The following TEX11 variants were observed in gnomAD, a reference collection of about 807,000 sequenced individuals.
The protein encoded by TEX11 is testis expressed 11.
Under a neutral mutation model 84.4 loss-of-function variants are expected in TEX11, and 7 were observed. That is an observed-to-expected ratio of 0.08 (90% confidence interval 0.05 to 0.16). The LOEUF (loss-of-function observed/expected upper bound fraction) is 0.16. Among genes scored for constraint, TEX11 ranks in the 10% least tolerant of loss-of-function variants. The pLI, the probability that TEX11 is intolerant of heterozygous loss-of-function variation, is 1.00. For missense variants in TEX11, 551 were observed against 660.5 expected, an observed-to-expected ratio of 0.83 and a Z score of 1.82; for synonymous variants, 264 against 222.8, an observed-to-expected ratio of 1.18 and a Z score of -1.64.
At chrX:70,656,692 G>C (rs185361808) in intron 16 of TEX11, among the ~76,000 whole-genome samples, 23 of 111,861 alleles carry the variant, frequency 2.1e-4, no homozygotes, top group African/African-American at 6.5e-4. Context: ...GGAAGTAATA[G>C]GGAAGCGTCT....
chrX:70,716,633 T>C (rs1201788656), intron 13 of TEX11, among the ~76,000 whole-genome samples: 2 of 112,443 alleles, frequency 1.8e-5, no homozygotes, highest in Non-Finnish European at 3.8e-5. Flanking sequence ...GCTAATACCA[T>C]TGGAAAAGCG....
At chrX:70,855,556 A>G (rs1273375674) in intron 5 of TEX11, among the ~76,000 whole-genome samples, 2 of 104,993 alleles carry the variant, frequency 1.9e-5, no homozygotes, top group East Asian at 6.2e-4. Flanking sequence ...ATAGAGTGAG[A>G]CTCTGTCTCA....
chrX:70,738,609 G>A (rs1036303204), intron 11 of TEX11, among the ~76,000 whole-genome samples: 7 of 111,711 alleles, frequency 6.3e-5, no homozygotes, highest in Non-Finnish European at 1.1e-4. Context: ...GTATATACCC[G>A]AAGGATTATA....
At position 70,558,192 on chromosome X, in the gene TEX11, A is replaced by G. The variant is rs1318706397; in HGVS notation, c.2141-3392T>C. On this transcript the variant is annotated intron_variant, in intron 25 of 29. Transcript: ENST00000374333. ...AAAAAGAAAATAGAAAGCAATGGTAATCAAGACAGCATGGTACTGACATAA... is the reference window on the plus strand; with the variant it reads ...AAAAAGAAAATAGAAAGCAATGGTAGTCAAGACAGCATGGTACTGACATAA... Among the ~76,000 whole-genome samples the G allele has an allele frequency of 2.7e-5, 3 of 109,924 alleles. No homozygotes were observed. In the Admixed American group the frequency reaches 2.9e-4, roughly 11 times the overall value.
intron 8 of TEX11, among the ~76,000 whole-genome samples, chrX:70,821,245 G>A (rs2091316845): frequency 8.9e-6 from 1 of 111,915 alleles, no homozygotes; most frequent in Non-Finnish European, 1.9e-5. Flanking sequence ...TTTCTTCAAA[G>A]AAAATATACA....
At chrX:70,811,074 G>A (rs926394321) in intron 8 of TEX11, among the ~76,000 whole-genome samples, 5 of 111,003 alleles carry the variant, frequency 4.5e-5, no homozygotes, top group Admixed American at 1.9e-4. Context: ...TGTGCACAAC[G>A]TGCATGTTTG....
chrX:70,681,439 T>C lies in TEX11; in HGVS notation c.1156+1235A>G, dbSNP rs1381391310. On this transcript the variant is annotated intron_variant, in intron 14 of 29. Coordinates refer to ENST00000374333, the MANE Select transcript of TEX11 (RefSeq NM_031276.3). ...CTTTAAATAAAAATCACTTCTGAAT[T>C]TAAAAAGTCTGAATATTTTCATGAA... 1.8e-5 allele frequency among the ~76,000 whole-genome samples: 2 copies of C among 112,323 alleles called. 1 individual carries two copies. Among genetic ancestry groups the C allele is most frequent in the Admixed American group, 1.9e-4 (2 of 10,648 alleles).
intron 9 of TEX11, among the ~76,000 whole-genome samples, chrX:70,784,097 G>A (rs1343250536): frequency 1.8e-5 from 2 of 111,715 alleles, no homozygotes; most frequent in African/African-American, 6.5e-5. Flanking sequence ...TTGGCAAACC[G>A]AATCCAGCAG....
chrX:70,839,810 G>C (rs2091430877), intron 7 of TEX11, among the ~76,000 whole-genome samples: 1 of 111,929 alleles, frequency 8.9e-6, no homozygotes, highest in South Asian at 3.8e-4. Context: ...TGATGGAGCT[G>C]AAAACCAAGG....
At chrX:70,681,412 T>C (rs917987684) in intron 14 of TEX11, among the ~76,000 whole-genome samples, 1 of 112,600 alleles carries the variant, frequency 8.9e-6, no homozygotes, top group African/African-American at 3.2e-5. Context: ...GCAGTTTACT[T>C]TCTTTAAATA....
In TEX11 at chrX:70,757,551, T is replaced by C. The variant is rs773866297; in HGVS notation, c.693-13332A>G. The stretch of plus-strand genomic sequence containing the variant: ...TCATAAGTGAAGGAGAAATAAAATC[T>C]TTTACAGACAAGTAAATGCTGAGAC... On this transcript the variant is annotated intron_variant, in intron 9 of 29. Coordinates refer to ENST00000374333, the MANE Select transcript of TEX11 (RefSeq NM_031276.3). Among the ~76,000 whole-genome samples, 26 of 111,582 alleles carry C rather than the reference T, an allele frequency of 2.3e-4. 1 individual carries two copies. The highest frequency in any genetic ancestry group is 9.6e-5 in the Admixed American group (1 of 10,454).
At chrX:70,627,485 T>C (rs893532721) in intron 18 of TEX11, among the ~76,000 whole-genome samples, 2 of 111,781 alleles carry the variant, frequency 1.8e-5, no homozygotes, top group African/African-American at 6.5e-5. Flanking sequence ...GCAGACTATG[T>C]GGTGTGATTC....
chrX:70,660,136 G>T (rs1361568823), intron 16 of TEX11, among the ~76,000 whole-genome samples: 1 of 111,639 alleles, frequency 9.0e-6, no homozygotes, highest in Non-Finnish European at 1.9e-5. Flanking sequence ...TGGTACACTT[G>T]TATAGGGTAC....
intron 16 of TEX11, among the ~76,000 whole-genome samples, chrX:70,657,454 T>A (rs76231981): frequency 0.1 from 8,515 of 85,351 alleles, 429 homozygotes; most frequent in Admixed American, 0.3. Flanking sequence ...TTGTAAAAAA[T>A]TAAAAAAAAA....
At chrX:70,777,365 G>A (rs1442638991) in intron 9 of TEX11, among the ~76,000 whole-genome samples, 1 of 111,528 alleles carries the variant, frequency 9.0e-6, no homozygotes, top group Non-Finnish European at 1.9e-5. Flanking sequence ...AAATAAACTG[G>A]TGGCCAGGCG....
intron 8 of TEX11, among the ~76,000 whole-genome samples, chrX:70,812,033 A>G (rs1455304810): frequency 1.8e-5 from 2 of 111,258 alleles, no homozygotes; most frequent in Admixed American, 1.9e-4. Flanking sequence ...TAGTTTAATT[A>G]GATCCCATTT....
At chrX:70,657,150 T>C (rs190191333) in intron 16 of TEX11, among the ~76,000 whole-genome samples, 582 of 112,138 alleles carry the variant, frequency 5.2e-3, no homozygotes, top group Middle Eastern at 0.014. Context: ...TTTATAACTT[T>C]ATTTAATTTT....
At chrX:70,552,846 C>T (rs2088234850) in intron 27 of TEX11, among the ~76,000 whole-genome samples, 2 of 111,504 alleles carry the variant, frequency 1.8e-5, no homozygotes, top group African/African-American at 6.5e-5. Flanking sequence ...ATCCCAGCTA[C>T]TCATGAAGCT....
intron 7 of TEX11, among the ~76,000 whole-genome samples, chrX:70,843,874 C>G (rs1246444894): frequency 8.9e-6 from 1 of 111,949 alleles, no homozygotes; most frequent in Non-Finnish European, 1.9e-5. Flanking sequence ...CTCATCATCA[C>G]TGGCCATCAG....
Sources: gnomAD v4.1 joint callset for allele counts (sites outside exome capture counted in the v4.1 genomes callset) on GRCh38, gnomAD v4.1.1 for gene constraint, MANE v1.5 for transcripts, NCBI Gene and HGNC (gene_info 2026-07-23, HGNC 2026-07-21) for gene names.